DIP2B: variants seen among roughly 807,000 people sequenced by gnomAD.
The protein encoded by DIP2B is disco-interacting protein 2 homolog B.
In DIP2B, 76 loss-of-function variants were observed where a neutral mutation model predicts 198.0. That is an observed-to-expected ratio of 0.38 (90% CI 0.32 to 0.46). The LOEUF (loss-of-function observed/expected upper bound fraction) is 0.46. DIP2B is among the 20% of genes least tolerant of loss of function. The probability of loss-of-function intolerance (pLI) is 0.99; values close to 1 mark genes in which losing one functional copy is unlikely to be tolerated. For missense variants in DIP2B, 1,559 were observed against 1,978.4 expected (o/e 0.79, Z 4.02); for synonymous variants, 701 against 739.1 (o/e 0.95, Z 0.84).
intron 1 of DIP2B, among the ~76,000 whole-genome samples, chr12:50,531,689 G>A (rs191768823): frequency 6.6e-6 from 1 of 152,294 alleles, no homozygotes; most frequent in Non-Finnish European, 1.5e-5. Context: ...TGGAAGTAGA[G>A]GCAGGCGGGG....
intron 22 of DIP2B, among the ~76,000 whole-genome samples, chr12:50,712,301 T>C (rs966714170): frequency 6.6e-6 from 1 of 152,164 alleles, no homozygotes; most frequent in Non-Finnish European, 1.5e-5. Context: ...TCCTAACTAG[T>C]ATTAACAGTT....
chr12:50,588,136 C>CTTTTTT (rs11447445), intron 1 of DIP2B, among the ~76,000 whole-genome samples: 3 of 149,168 alleles, frequency 2.0e-5, no homozygotes, highest in Non-Finnish European at 3.0e-5. Context: ...TACTTCTTTT[C>CTTTTTT]TTTTTTTTTT....
chr12:50,635,584 C>T (rs1938146445), intron 2 of DIP2B, among the ~76,000 whole-genome samples: 1 of 152,250 alleles, frequency 6.6e-6, no homozygotes, highest in East Asian at 1.9e-4. Context: ...CTCCTTTCAT[C>T]GCAGTTCTTC....
intron 32 of DIP2B, among the ~76,000 whole-genome samples, chr12:50,733,898 C>T (rs1466618433): frequency 2.0e-5 from 3 of 152,122 alleles, no homozygotes; most frequent in African/African-American, 4.8e-5. Flanking sequence ...CCTGGGTTGC[C>T]GACCTGTGTC....
chr12:50,725,494 G>T (rs1334085055), intron 28 of DIP2B, among the ~76,000 whole-genome samples: 1 of 152,208 alleles, frequency 6.6e-6, no homozygotes, highest in African/African-American at 2.4e-5. Context: ...TGTGGTATAG[G>T]AAGAGTGTGG....
chr12:50,674,471 C>CA lies in DIP2B; in HGVS notation c.641-2dup. On this transcript the variant is annotated splice_polypyrimidine_tract_variant and splice_region_variant and intron_variant, in intron 5 of 37. Coordinates refer to ENST00000301180, the MANE Select transcript of DIP2B (RefSeq NM_173602.3). ...AATTCTAAACTTTGTTTTCTCCTCT[C>CA]AGAGAATTTCTCTGCTCCTCCTGAT... 5 of 1,614,152 alleles carry CA rather than the reference C, an allele frequency of 3.1e-6. No individual in the cohort carries two copies. Among genetic ancestry groups the CA allele is most frequent in the Non-Finnish European group, 4.2e-6 (5 of 1,179,996 alleles).
At chr12:50,636,963 C>T (rs761616543) in intron 2 of DIP2B, among the ~76,000 whole-genome samples, 2 of 152,166 alleles carry the variant, frequency 1.3e-5, no homozygotes, top group African/African-American at 2.4e-5. Context: ...TCTCGTTCCT[C>T]TCTTGCCTTC....
chr12:50,579,351 A>T (rs1427353574), intron 1 of DIP2B, among the ~76,000 whole-genome samples: 1 of 151,726 alleles, frequency 6.6e-6, no homozygotes, highest in East Asian at 1.9e-4. Context: ...AATGGCTCAC[A>T]CCTGTAATCC....
In DIP2B at chr12:50,692,965, T is replaced by A. The variant is rs763968336; in HGVS notation, c.1671T>A (p.Asn557Lys). The change falls in exon 14 of 38, where the codon AAT (asparagine) becomes AAA (lysine). Residue 557 changes from asparagine to lysine, a missense_variant. Physicochemically the swap from Asn to Lys is moderately conservative, Grantham distance 94 (BLOSUM62 0). Transcript: ENST00000301180. Reference protein sequence around the residue: ...CNYSEGETIVNVLDFKKDAGL... With the variant: ...CNYSEGETIVKVLDFKKDAGL... ...CTATTTTAGGGGAAACAATAGTAAATGTCTTAGACTTTAAGAAGGATGCTG... is the reference window on the plus strand; with the variant it reads ...CTATTTTAGGGGAAACAATAGTAAAAGTCTTAGACTTTAAGAAGGATGCTG... 2 of 1,609,536 alleles carry A rather than the reference T, an allele frequency of 1.2e-6. No homozygotes were observed. Among genetic ancestry groups the A allele is most frequent in the Non-Finnish European group, 1.7e-6 (2 of 1,178,936 alleles).
chr12:50,625,884 G>C, intron 1 of DIP2B, 92 bp from the exon 2 acceptor site: 1 of 1,384,690 alleles, frequency 7.2e-7, no homozygotes, highest in Non-Finnish European at 1.0e-6. Flanking sequence ...ATATGGGGTA[G>C]TTCTATAACT....
chr12:50,744,946 A>G lies in DIP2B; in HGVS notation c.*107A>G, dbSNP rs551504990. The G allele has an allele frequency of 1.5e-5, 20 of 1,334,158 alleles. No homozygotes were observed. Among genetic ancestry groups the G allele is most frequent in the Non-Finnish European group, 2.1e-5 (20 of 972,886 alleles). 82.6% of individuals were successfully genotyped at this position (1,334,158 alleles called of 1,614,324 possible). A position where few individuals can be genotyped will look rare whatever the true frequency, so the allele number is the denominator to read the frequency against. ...ATGTGAAATAAGCTGAGATGGCTACATGATATTCTTCATCTCATCCTGTGG... is the reference window on the plus strand; with the variant it reads ...ATGTGAAATAAGCTGAGATGGCTACGTGATATTCTTCATCTCATCCTGTGG... On this transcript the variant is annotated 3_prime_UTR_variant, in exon 38 of 38. Coordinates refer to ENST00000301180, the MANE Select transcript of DIP2B (RefSeq NM_173602.3).
intron 3 of DIP2B, among the ~76,000 whole-genome samples, chr12:50,648,395 G>A (rs1484430923): frequency 6.6e-6 from 1 of 151,702 alleles, no homozygotes; most frequent in African/African-American, 2.4e-5. Flanking sequence ...ACGGAGTCTC[G>A]CTCTGTTGCC....
intron 1 of DIP2B, among the ~76,000 whole-genome samples, chr12:50,544,094 G>T (rs1471067798): frequency 6.6e-6 from 1 of 151,294 alleles, no homozygotes; most frequent in Non-Finnish European, 1.5e-5. Context: ...CAGGCGTGGT[G>T]GTTCGCGCCT....
intron 1 of DIP2B, among the ~76,000 whole-genome samples, chr12:50,593,732 T>TCTCCTCTCCCCTCCC (rs1958844898): frequency 2.0e-4 from 1 of 4,974 alleles, no homozygotes; most frequent in Non-Finnish European, 2.8e-4. Context: ...TCTCCTCTCC[T>TCTCCTCTCCCCTCCC]CTCCTCTCCT....
intron 1 of DIP2B, among the ~76,000 whole-genome samples, chr12:50,537,088 C>A (rs1958274980): frequency 8.2e-6 from 1 of 121,896 alleles, no homozygotes; most frequent in Non-Finnish European, 1.7e-5. Context: ...GTCACACTTA[C>A]CAGATTGCTT....
intron 1 of DIP2B, among the ~76,000 whole-genome samples, chr12:50,599,946 G>A (rs575368623): frequency 1.3e-5 from 2 of 152,250 alleles, no homozygotes; most frequent in South Asian, 2.1e-4. Flanking sequence ...AAGGACATCC[G>A]TATTTATATT....
Position 50,734,135 on chromosome 12 carries a change from G to A in DIP2B, c.3982G>A (p.Gly1328Arg). The change falls in exon 33 of 38, where the codon GGA (glycine) becomes AGA (arginine). Residue 1328 changes from glycine (G) to arginine (R), a missense_variant and splice_region_variant. Gly to Arg is a moderately radical substitution (Grantham distance 125). Transcript: ENST00000301180. ...SRVNVAICLQ[G>R]TSGPDPTTVY... ...AACGCATTGATTTGTCTTTCTTTAG[G>A]GAACCTCAGGGCCTGATCCGACTAC... The A allele has an allele frequency of 1.9e-6, 3 of 1,613,998 alleles. No homozygotes were observed. Among genetic ancestry groups the A allele is most frequent in the Non-Finnish European group, 1.7e-6 (2 of 1,179,964 alleles).
intron 19 of DIP2B, among the ~76,000 whole-genome samples, chr12:50,702,734 T>TGA (rs1215757648): frequency 2.5e-5 from 1 of 40,624 alleles, no homozygotes; most frequent in Non-Finnish European, 3.8e-5. Context: ...CCTCATCTCT[T>TGA]AAAAAAAAAA....
At chr12:50,687,262 A>G (rs1939147302) in intron 12 of DIP2B, among the ~76,000 whole-genome samples, 1 of 152,200 alleles carries the variant, frequency 6.6e-6, no homozygotes, top group Non-Finnish European at 1.5e-5. Flanking sequence ...TTGGATTATT[A>G]CTAAACTTAC....
Sources: gnomAD v4.1 joint callset for allele counts (sites outside exome capture counted in the v4.1 genomes callset) on GRCh38, gnomAD v4.1.1 for gene constraint, MANE v1.5 for transcripts, NCBI Gene and HGNC (gene_info 2026-07-23, HGNC 2026-07-21) for gene names.